TFAP2B: variants seen among roughly 807,000 people sequenced by gnomAD.
TFAP2B encodes transcription factor AP-2-beta.
A neutral mutation model predicts 44.3 loss-of-function variants in TFAP2B; 9 were observed. The ratio of observed to expected loss-of-function variants is 0.20; its 90% CI spans 0.12 to 0.35. The LOEUF (loss-of-function observed/expected upper bound fraction) is 0.35, where lower values mean the gene tolerates loss of function less well. Ranked by LOEUF, TFAP2B falls within the 10% of genes least tolerant of loss-of-function variation. TFAP2B has a pLI of 1.00. For synonymous variants in TFAP2B, 270 were observed against 263.8 expected (o/e 1.02, Z -0.23); for missense variants, 509 against 600.0 (o/e 0.85, Z 1.59).
intron 1 of TFAP2B, among the ~76,000 whole-genome samples, chr6:50,819,970 C>T (rs548968754): frequency 1.3e-5 from 2 of 152,040 alleles, no homozygotes; most frequent in African/African-American, 4.8e-5. Context: ...TGGTCTGGGA[C>T]AGCCCCAGGT....
rs2113963698 is a variant in TFAP2B, at chr6:50,844,607, A to T, written c.*1215A>T. The T allele has an allele frequency of 6.5e-6, 1 of 152,816 alleles. No individual in the cohort carries two copies. The highest frequency in any genetic ancestry group is 1.5e-5 in the Non-Finnish European group (1 of 68,050). The allele number at this position is 152,816 out of a possible 1,614,324, so 9.5% of individuals were successfully genotyped here. ...TGAATCTACATGCTAACATTCCTCA[A>T]CACTCCAATTCCGGTGGAGGTGGCA... is the stretch of plus-strand genomic sequence containing the variant. On this transcript the variant is annotated 3_prime_UTR_variant, in exon 7 of 7. Coordinates refer to ENST00000393655, the MANE Select transcript of TFAP2B (RefSeq NM_003221.4).
Position 50,843,406 on chromosome 6 carries a change from AAAG to A in TFAP2B, c.*18_*20del, listed in dbSNP as rs140328017. ...CACAGGAAATGAAAAATTTTTAAAA[AAAG>A]AAGGAAAAATGTTTTAAATACAAAA... On this transcript the variant is annotated 3_prime_UTR_variant, in exon 7 of 7. Coordinates refer to ENST00000393655, the MANE Select transcript of TFAP2B (RefSeq NM_003221.4). The A allele has an allele frequency of 1.1e-3, 1,778 of 1,609,676 alleles. 5 individuals are homozygous for A. In the African/African-American group the frequency reaches 0.016, roughly 14 times the overall value.
At chr6:50,821,991 A>ATT (rs60274376) in intron 1 of TFAP2B, 4,349 of 217,638 alleles carry the variant, frequency 0.02, 84 homozygotes, top group African/African-American at 0.052. Flanking sequence ...GGCGGGTGTA[A>ATT]TTTTTTTTTT....
chr6:50,828,759 A>G, intron 3 of TFAP2B, 80 bp downstream of exon 3: 2 of 1,485,632 alleles, frequency 1.3e-6, no homozygotes, highest in East Asian at 4.5e-5. Context: ...ACTTTGGGGG[A>G]ATTCATTATT....
intron 1 of TFAP2B, chr6:50,822,283 G>A (rs1442226995): frequency 1.1e-6 from 1 of 876,636 alleles, no homozygotes; most frequent in Non-Finnish European, 1.6e-6. Context: ...TCCTTTGAGC[G>A]CCTTTGGCTT....
At chr6:50,826,579 G>A (rs755660758) in intron 2 of TFAP2B, among the ~76,000 whole-genome samples, 2 of 144,878 alleles carry the variant, frequency 1.4e-5, no homozygotes, top group Admixed American at 6.8e-5. Context: ...GCGCGCGCGC[G>A]CGCGCGCGTG....
At chr6:50,820,837 T>G (rs1299304882) in intron 1 of TFAP2B, among the ~76,000 whole-genome samples, 2 of 141,502 alleles carry the variant, frequency 1.4e-5, no homozygotes, top group Non-Finnish European at 3.0e-5. Flanking sequence ...GTAAAGTAGC[T>G]AAATGGAAAA....
chr6:50,820,465 G>A (rs1203103266), intron 1 of TFAP2B, among the ~76,000 whole-genome samples: 1 of 152,268 alleles, frequency 6.6e-6, no homozygotes, highest in Non-Finnish European at 1.5e-5. Context: ...GGAGATAAGA[G>A]AGGAGAGGGA....
chr6:50,821,475 C>T (rs1770344537), intron 1 of TFAP2B, among the ~76,000 whole-genome samples: 1 of 152,146 alleles, frequency 6.6e-6, no homozygotes, highest in Non-Finnish European at 1.5e-5. Flanking sequence ...AGTCTCTCTC[C>T]AGGTAGGAGG....
intron 3 of TFAP2B, among the ~76,000 whole-genome samples, chr6:50,835,521 C>A (rs1476638859): frequency 6.6e-6 from 1 of 152,158 alleles, no homozygotes; most frequent in Non-Finnish European, 1.5e-5. Flanking sequence ...TGGGGTCCAC[C>A]CTCCTTATCC....
chr6:50,830,340 CAG>C, intron 3 of TFAP2B: 1 of 980,654 alleles, frequency 1.0e-6, no homozygotes, highest in Non-Finnish European at 1.2e-6. Flanking sequence ...CCTAGCAAAA[CAG>C]AGCTGAAGAT....
At chr6:50,826,490 T>C (rs780447052) in intron 2 of TFAP2B, among the ~76,000 whole-genome samples, 1 of 152,152 alleles carries the variant, frequency 6.6e-6, no homozygotes, top group African/African-American at 2.4e-5. Flanking sequence ...TCTATTTCAA[T>C]TTACTCACAG....
chr6:50,824,611 C>T (rs926097544), intron 2 of TFAP2B, among the ~76,000 whole-genome samples: 1 of 152,178 alleles, frequency 6.6e-6, no homozygotes, highest in African/African-American at 2.4e-5. Context: ...TCTCCACCTC[C>T]CTCTCCTGGC....
At chr6:50,837,930 G>T in intron 4 of TFAP2B, 45 bp from the exon 5 acceptor site, 1 of 1,478,618 alleles carries the variant, frequency 6.8e-7, no homozygotes, top group Non-Finnish European at 9.5e-7. Context: ...CTTTGTTTCA[G>T]GAACACTCTA....
In TFAP2B at chr6:50,845,520, G is replaced by A. The variant is rs985294946; in HGVS notation, c.*2128G>A. The A allele has an allele frequency of 2.6e-5, 4 of 152,646 alleles. No homozygotes were observed. The highest frequency in any genetic ancestry group is 9.6e-5 in the African/African-American group (4 of 41,480). 9.5% of individuals were successfully genotyped at this position (152,646 alleles called of 1,614,324 possible). On this transcript the variant is annotated 3_prime_UTR_variant, in exon 7 of 7. Transcript: ENST00000393655. ...TTCTGATCTTCATGGCCCAGCCCTA[G>A]AACTGTTGAGAGGAATGCAATGGCC...
At chr6:50,838,949 T>C (rs151286402) in intron 5 of TFAP2B, among the ~76,000 whole-genome samples, 5 of 152,090 alleles carry the variant, frequency 3.3e-5, no homozygotes, top group African/African-American at 7.2e-5. Flanking sequence ...CTGTAGAGAG[T>C]TGGTTTTAGA....
At chr6:50,827,300 A>G (rs930616152) in intron 2 of TFAP2B, among the ~76,000 whole-genome samples, 3 of 152,232 alleles carry the variant, frequency 2.0e-5, no homozygotes, top group Non-Finnish European at 2.9e-5. Context: ...AGTTACATGA[A>G]ATATTTTTAA....
intron 5 of TFAP2B, among the ~76,000 whole-genome samples, chr6:50,839,106 G>C (rs1681193891): frequency 6.6e-6 from 1 of 152,162 alleles, no homozygotes; most frequent in South Asian, 2.1e-4. Context: ...ACTTACTAGT[G>C]GTTGACTCTT....
chr6:50,828,517 A>C, intron 2 of TFAP2B, 102 bp from the exon 3 acceptor site: 1 of 980,490 alleles, frequency 1.0e-6, no homozygotes. Flanking sequence ...GTGAATTAAT[A>C]TAAATGGAAA....
Sources: allele counts gnomAD v4.1 joint callset (sites outside exome capture counted in the v4.1 genomes callset), GRCh38; gene constraint gnomAD v4.1.1; transcripts MANE v1.5; gene names NCBI Gene and HGNC (gene_info 2026-07-23, HGNC 2026-07-21).